PTP4A3: variants seen among roughly 807,000 people sequenced by gnomAD.
PTP4A3 encodes the protein protein tyrosine phosphatase type IVA 3.
A neutral mutation model predicts 15.2 loss-of-function variants in PTP4A3; 9 were observed. The ratio of observed to expected loss-of-function variants is 0.59; its 90% CI spans 0.36 to 1.03. The LOEUF is 1.03. Among genes scored for constraint, PTP4A3 ranks in the 50% least tolerant of loss-of-function variants. The pLI is 0.02. For synonymous variants in PTP4A3, 95 were observed against 102.0 expected, an observed-to-expected ratio of 0.93 and a Z score of 0.41; for missense variants, 234 against 252.1, an observed-to-expected ratio of 0.93 and a Z score of 0.49.
At chr8:141,397,777 C>T (rs751023023) in intron 1 of PTP4A3, among the ~76,000 whole-genome samples, 1 of 152,214 alleles carries the variant, frequency 6.6e-6, no homozygotes, top group Admixed American at 6.5e-5. Context: ...CCCATCAGAG[C>T]TGGAAGGGAG....
In PTP4A3 at chr8:141,425,672, G is replaced by A. The variant is rs1833536799; in HGVS notation, c.198+532G>A. 6.6e-6 allele frequency among the ~76,000 whole-genome samples: 1 copy of A among 152,076 alleles called. No homozygotes were observed. The highest frequency in any genetic ancestry group is 1.5e-5 in the Non-Finnish European group (1 of 67,968). On this transcript the variant is annotated intron_variant, in intron 3 of 5. Transcript: ENST00000521578. This position sits in a 1 kb window ranked among gnomAD's most constrained non-coding sequence, Gnocchi z 4.2. ...CAGGCCCAGAGCCAGCCCCAGGGGG[G>A]TCCACCCCCGGCCCGGTGGACGACT...
At chr8:141,427,260 C>G (rs1833619965) in intron 4 of PTP4A3, among the ~76,000 whole-genome samples, 191 bp downstream of exon 4, 1 of 152,246 alleles carries the variant, frequency 6.6e-6, no homozygotes, top group Non-Finnish European at 1.5e-5. Flanking sequence ...TTCCCAAAGT[C>G]TAACCCAACT....
At chr8:141,423,094 AG>A (rs1294949186) in intron 2 of PTP4A3, among the ~76,000 whole-genome samples, 3 of 152,220 alleles carry the variant, frequency 2.0e-5, no homozygotes, top group Non-Finnish European at 4.4e-5. Flanking sequence ...AGCTGTGTGC[AG>A]GGTCATTTAT....
intron 4 of PTP4A3, 123 bp downstream of exon 4, chr8:141,427,192 G>A: frequency 7.2e-7 from 1 of 1,393,278 alleles, no homozygotes; most frequent in South Asian, 1.4e-5. Context: ...GGAGGCCCAT[G>A]CCCCTAGTGC....
At position 141,408,899 on chromosome 8, in the gene PTP4A3, G is replaced by A. The variant is rs537667231; in HGVS notation, c.-853-12489G>A. On this transcript the variant is annotated intron_variant, in intron 1 of 5. Transcript: ENST00000521578. The stretch of plus-strand genomic sequence containing the variant: ...GACTAGAGTGAGAAGGCCCTTCCCC[G>A]GCCCTCACAGAGTGCCTTGCCACTG... 8.7e-4 allele frequency among the ~76,000 whole-genome samples: 132 copies of A among 152,228 alleles called. 4 individuals are homozygous for A. Among genetic ancestry groups the A allele is most frequent in the Non-Finnish European group, 2.5e-4 (17 of 68,028 alleles).
intron 1 of PTP4A3, among the ~76,000 whole-genome samples, chr8:141,402,849 C>T (rs1832628476): frequency 6.6e-6 from 1 of 152,146 alleles, no homozygotes; most frequent in Non-Finnish European, 1.5e-5. Context: ...TCCCCAGCCT[C>T]CCCTGAAGAG....
At position 141,422,181 on chromosome 8, in the gene PTP4A3, G is replaced by T. The variant is rs1158293867; in HGVS notation, c.-60G>T. 4.5e-6 allele frequency: 7 copies of T among 1,550,182 alleles called. No homozygotes were observed. The Admixed American group carries it at 8.4e-5, about 19-fold the overall frequency. ...TTGGGGGTGTGTGGGGACTTCTCAG[G>T]TCGTGTCCCCAGCCTTCTCTGCAGT... On this transcript the variant is annotated 5_prime_UTR_variant, in exon 2 of 6. Coordinates refer to ENST00000521578, the MANE Select transcript of PTP4A3 (RefSeq NM_032611.3).
intron 1 of PTP4A3, among the ~76,000 whole-genome samples, chr8:141,418,803 A>G (rs1833181625): frequency 6.6e-6 from 1 of 152,190 alleles, no homozygotes; most frequent in Non-Finnish European, 1.5e-5. Flanking sequence ...GGGAGTTCTC[A>G]GTGCCCATCC....
intron 2 of PTP4A3, 38 bp downstream of exon 2, chr8:141,422,383 G>C: frequency 6.2e-7 from 1 of 1,610,932 alleles, no homozygotes; most frequent in Non-Finnish European, 8.5e-7. Flanking sequence ...AGGTGGCCCA[G>C]GTGTCTGGGA....
chr8:141,413,156 G>A (rs1832914278), intron 1 of PTP4A3, among the ~76,000 whole-genome samples: 1 of 152,206 alleles, frequency 6.6e-6, no homozygotes, highest in Non-Finnish European at 1.5e-5. Flanking sequence ...TGTGCCTGGT[G>A]TGCCAGGGAG....
At chr8:141,421,235 AC>A (rs1390057858) in intron 1 of PTP4A3, among the ~76,000 whole-genome samples, 152 bp from the exon 2 acceptor site, 1 of 152,076 alleles carries the variant, frequency 6.6e-6, no homozygotes, top group African/African-American at 2.4e-5. Flanking sequence ...AAGGAAATAG[AC>A]CCAAAAGGGT....
intron 1 of PTP4A3, among the ~76,000 whole-genome samples, chr8:141,395,798 C>T: frequency 6.6e-6 from 1 of 152,110 alleles, no homozygotes; most frequent in South Asian, 2.1e-4. Flanking sequence ...GGCTCCTCTC[C>T]TGGCATCTTC....
chr8:141,411,974 GT>G (rs1375262874), intron 1 of PTP4A3, among the ~76,000 whole-genome samples: 1 of 152,236 alleles, frequency 6.6e-6, no homozygotes, highest in Non-Finnish European at 1.5e-5. Flanking sequence ...ACAAAATGGG[GT>G]GATGGGCGCC....
chr8:141,419,616 G>A (rs1833233632), intron 1 of PTP4A3, among the ~76,000 whole-genome samples: 1 of 144,898 alleles, frequency 6.9e-6, no homozygotes, highest in Admixed American at 7.2e-5. Flanking sequence ...TTGTTGCCCA[G>A]GCTAGAGGGC....
chr8:141,397,994 C>T (rs372089276), intron 1 of PTP4A3, among the ~76,000 whole-genome samples: 2 of 152,192 alleles, frequency 1.3e-5, no homozygotes, highest in Non-Finnish European at 2.9e-5. Context: ...TCAGCGCAGG[C>T]GGAGCAGGGA....
chr8:141,426,317 G>A (rs1188249932), intron 3 of PTP4A3: 18 of 553,096 alleles, frequency 3.3e-5, no homozygotes, highest in African/African-American at 2.5e-4. Flanking sequence ...GATCTAGGGC[G>A]CTGGGGGACG....
Position 141,420,557 on chromosome 8 carries a change from C to T in PTP4A3, c.-853-831C>T, listed in dbSNP as rs570445951. Among the ~76,000 whole-genome samples the T allele has an allele frequency of 3.3e-5, 5 of 152,308 alleles. No individual in the cohort carries two copies. In the East Asian group the frequency reaches 5.8e-4, roughly 18 times the overall value. On this transcript the variant is annotated intron_variant, in intron 1 of 5. Transcript: ENST00000521578. ...CCCTGCCGCCTCCCCTCTTCAGGGCCCTGTCATGGTGTGAACCCACTCCTG... is the reference window on the plus strand; with the variant it reads ...CCCTGCCGCCTCCCCTCTTCAGGGCTCTGTCATGGTGTGAACCCACTCCTG...
At chr8:141,408,544 G>A (rs369917785) in intron 1 of PTP4A3, among the ~76,000 whole-genome samples, 1 of 151,960 alleles carries the variant, frequency 6.6e-6, no homozygotes, top group East Asian at 1.9e-4. Flanking sequence ...GCTTGAACCC[G>A]GGGGCGGAGG....
In PTP4A3 at chr8:141,409,971, G is replaced by A. The variant is rs181226193; in HGVS notation, c.-853-11417G>A. Among the ~76,000 whole-genome samples, 600 of 152,352 alleles carry A rather than the reference G, an allele frequency of 3.9e-3. 7 individuals carry two copies. Among genetic ancestry groups the A allele is most frequent in the African/African-American group, 0.014 (577 of 41,582 alleles). ...CATGGCAGCCAATGCCTGCAGCCGGGAGCTAAACTTGCTACCCTCAAGCCA... is the reference window on the plus strand; with the variant it reads ...CATGGCAGCCAATGCCTGCAGCCGGAAGCTAAACTTGCTACCCTCAAGCCA... On this transcript the variant is annotated intron_variant, in intron 1 of 5. Transcript: ENST00000521578.
Sources: allele counts gnomAD v4.1 joint callset (sites outside exome capture counted in the v4.1 genomes callset), GRCh38; gene constraint gnomAD v4.1.1; non-coding constraint Gnocchi (gnomAD v3.1); transcripts MANE v1.5; gene names NCBI Gene and HGNC (gene_info 2026-07-23, HGNC 2026-07-21).